LIPJ: variants seen among roughly 807,000 people sequenced by gnomAD.
LIPJ encodes lipase member J.
LIPJ carries 33 observed loss-of-function variants against 39.8 expected under a neutral mutation model. The ratio of observed to expected loss-of-function variants is 0.83; its 90% CI spans 0.63 to 1.11. The LOEUF (loss-of-function observed/expected upper bound fraction) is 1.11, where lower values mean the gene tolerates loss of function less well. LIPJ is among the 50% of genes least tolerant of loss of function. The pLI is 0.00. For missense variants in LIPJ, 422 were observed against 427.9 expected (o/e 0.99, Z 0.12); for synonymous variants, 128 against 139.2 (o/e 0.92, Z 0.57).
At chr10:88,602,550 CTTTT>C (rs11343654) in intron 8 of LIPJ, 22 bp from the exon 9 acceptor site, 8,113 of 1,028,902 alleles carry the variant, frequency 7.9e-3, no homozygotes, top group East Asian at 0.013. Flanking sequence ...TATAAAAATG[CTTTT>C]TTTTTTTTTT....
At chr10:88,607,195 T>C (rs1851694268), downstream of LIPJ, among the ~76,000 whole-genome samples, 1 of 152,192 alleles carries the variant, frequency 6.6e-6, no homozygotes, top group African/African-American at 2.4e-5. Flanking sequence ...AGGAGATAAC[T>C]TTTTAAGAAA....
chr10:88,609,569 A>G (rs912389676), downstream of LIPJ, among the ~76,000 whole-genome samples: 1 of 152,188 alleles, frequency 6.6e-6, no homozygotes, highest in Non-Finnish European at 1.5e-5. Flanking sequence ...ATTGCAGACA[A>G]TGGAAAGCTA....
At chr10:88,595,828 T>G (rs1186118222) in intron 6 of LIPJ, among the ~76,000 whole-genome samples, 1 of 151,536 alleles carries the variant, frequency 6.6e-6, no homozygotes, top group Non-Finnish European at 1.5e-5. Context: ...TAAAATAAGA[T>G]GCTTAGTATC....
intron 2 of LIPJ, among the ~76,000 whole-genome samples, 153 bp downstream of exon 2, chr10:88,587,545 A>G (rs61431478): frequency 0.02 from 3,065 of 152,192 alleles, 77 homozygotes; most frequent in South Asian, 0.085. Context: ...CAGATATTTG[A>G]TATCTTCATA....
At position 88,594,086 on chromosome 10, in the gene LIPJ, A is replaced by C. The variant is rs768596537; in HGVS notation, c.271A>C (p.Thr91Pro). 36 of 1,612,160 alleles carry C rather than the reference A, an allele frequency of 2.2e-5. No individual in the cohort carries two copies. In the Admixed American group the frequency reaches 5.5e-4, roughly 25 times the overall value. ...GTGGATGGGAAATAGCAGAGGAAAT[A>C]CCTGGTCCAGGAAACACTTGTACCT... The change falls in exon 5 of 11, where the codon ACC (threonine) becomes CCC (proline). Residue 91 changes from threonine (T) to proline (P), a missense_variant. Physicochemically the swap from Thr to Pro is conservative, Grantham distance 38. Transcript: ENST00000371939.
the LIPJ span, among the ~76,000 whole-genome samples, chr10:88,622,189 G>C: frequency 2.0e-5 from 3 of 152,144 alleles, no homozygotes; most frequent in African/African-American, 7.2e-5. Context: ...ACTGATTTTG[G>C]ACTACAAAAA....
downstream of LIPJ, among the ~76,000 whole-genome samples, chr10:88,611,054 C>T (rs1306618329): frequency 6.6e-6 from 1 of 152,196 alleles, no homozygotes; most frequent in Non-Finnish European, 1.5e-5. Flanking sequence ...CTGGTATCCA[C>T]AGCTGCAAGA....
intron 2 of LIPJ, among the ~76,000 whole-genome samples, chr10:88,589,272 G>C (rs1851006735): frequency 6.6e-6 from 1 of 151,812 alleles, no homozygotes; most frequent in Admixed American, 6.6e-5. Flanking sequence ...ACTTATCTGA[G>C]ACAGCCCATG....
At chr10:88,597,664 A>G (rs1313402857) in intron 8 of LIPJ, among the ~76,000 whole-genome samples, 1 of 151,952 alleles carries the variant, frequency 6.6e-6, no homozygotes, top group Non-Finnish European at 1.5e-5. Flanking sequence ...CCACAAGGAC[A>G]TGTTTGTTGA....
intron 8 of LIPJ, among the ~76,000 whole-genome samples, chr10:88,599,648 T>G (rs1851397706): frequency 6.6e-6 from 1 of 151,486 alleles, no homozygotes; most frequent in Admixed American, 6.6e-5. Flanking sequence ...TGTGTATGTA[T>G]GTATATATAT....
the LIPJ span, among the ~76,000 whole-genome samples, chr10:88,616,239 ACT>A: frequency 7.2e-5 from 11 of 152,216 alleles, no homozygotes; most frequent in Non-Finnish European, 1.0e-4. Flanking sequence ...CTGGGAAAAC[ACT>A]GTTTCCTTGC....
intron 2 of LIPJ, among the ~76,000 whole-genome samples, chr10:88,589,865 A>G (rs112410153): frequency 0.02 from 3,055 of 151,946 alleles, 76 homozygotes; most frequent in South Asian, 0.085. Context: ...ACTGATGATC[A>G]CAGAGGTTAA....
chr10:88,608,069 T>C (rs1851706596), downstream of LIPJ, among the ~76,000 whole-genome samples: 1 of 152,202 alleles, frequency 6.6e-6, no homozygotes, highest in Non-Finnish European at 1.5e-5. Flanking sequence ...ACAAGGCCTG[T>C]CCTCAGAAGA....
chr10:88,583,332 G>A, upstream of LIPJ: 1 of 1,410,998 alleles, frequency 7.1e-7, no homozygotes, highest in South Asian at 1.5e-5. Flanking sequence ...CTTTCCTCCG[G>A]CCGGCCTGCA....
intron 2 of LIPJ, among the ~76,000 whole-genome samples, chr10:88,588,308 G>A (rs1299300063): frequency 6.6e-6 from 1 of 151,716 alleles, no homozygotes; most frequent in African/African-American, 2.4e-5. Flanking sequence ...AATAGCTCAT[G>A]TCAACTTAAA....
chr10:88,586,822 A>G lies in LIPJ; in HGVS notation c.-254A>G, dbSNP rs1256152092. ...GATATACAAGACTTTTGAGGATAAT[A>G]CTTAAATGAAGATAGACCGGATGGT... On this transcript the variant is annotated 5_prime_UTR_variant, in exon 1 of 11. The change creates a new upstream start codon in the 5' untranslated region. Transcript: ENST00000371939. The G allele has an allele frequency of 6.6e-6, 1 of 152,174 alleles. No homozygotes were observed. Among genetic ancestry groups the G allele is most frequent in the Non-Finnish European group, 1.5e-5 (1 of 67,996 alleles). 9.4% of individuals were successfully genotyped at this position (152,174 alleles called of 1,614,324 possible). A position where few individuals can be genotyped will look rare whatever the true frequency, so the allele number is the denominator to read the frequency against.
At chr10:88,593,895 C>A in intron 4 of LIPJ, 51 bp from the exon 5 acceptor site, 1 of 1,475,762 alleles carries the variant, frequency 6.8e-7, no homozygotes, top group Non-Finnish European at 9.3e-7. Context: ...AAAAGATTTT[C>A]ATATAGATAA....
chr10:88,598,927 A>C (rs1851352201), intron 8 of LIPJ, among the ~76,000 whole-genome samples: 1 of 140,548 alleles, frequency 7.1e-6, no homozygotes. Flanking sequence ...AATTATATTT[A>C]ATAATATAAT....
chr10:88,612,966 A>G, the LIPJ span, among the ~76,000 whole-genome samples: 2 of 152,248 alleles, frequency 1.3e-5, no homozygotes, highest in African/African-American at 4.8e-5. Context: ...ACATTCTTCA[A>G]GATAGACCAT....
Sources: allele counts gnomAD v4.1 joint callset (sites outside exome capture counted in the v4.1 genomes callset), GRCh38; gene constraint gnomAD v4.1.1; transcripts MANE v1.5; gene names NCBI Gene and HGNC (gene_info 2026-07-23, HGNC 2026-07-21).